The following P2RY6 variants were observed in gnomAD, a reference collection of about 807,000 sequenced individuals.
P2RY6 encodes the protein P2Y purinoceptor 6.
A neutral mutation model predicts 16.3 loss-of-function variants in P2RY6; 19 were observed. The observed-to-expected ratio is 1.16, with a 90% CI of 0.81 to 1.71. The LOEUF (loss-of-function observed/expected upper bound fraction) is 1.71, where lower values mean the gene tolerates loss of function less well. P2RY6 is among the 40% of genes most tolerant of loss of function. P2RY6 has a pLI of 0.00. For synonymous variants in P2RY6, 184 were observed against 201.5 expected (o/e 0.91, Z 0.74); for missense variants, 389 against 455.5 (o/e 0.85, Z 1.33).
At chr11:73,272,595 C>A in intron 1 of P2RY6, 129 bp downstream of exon 1, 1 of 753,356 alleles carries the variant, frequency 1.3e-6, no homozygotes, top group Non-Finnish European at 1.6e-6. Flanking sequence ...AGGGCAGGCA[C>A]TGGGGTCCTC....
At chr11:73,290,370 A>G (rs1030818623) in intron 1 of P2RY6, among the ~76,000 whole-genome samples, 88 of 149,238 alleles carry the variant, frequency 5.9e-4, no homozygotes, top group African/African-American at 2.0e-3. Flanking sequence ...AAAGAAGGAA[A>G]GAAAGAGAAA....
intron 1 of P2RY6, among the ~76,000 whole-genome samples, chr11:73,288,680 C>G (rs1591685714): frequency 6.6e-6 from 1 of 152,206 alleles, no homozygotes; most frequent in African/African-American, 2.4e-5. Context: ...TGCCCAGAGT[C>G]AGGATTGGGT....
chr11:73,295,524 C>T (rs777836985), intron 1 of P2RY6, among the ~76,000 whole-genome samples: 5 of 152,184 alleles, frequency 3.3e-5, no homozygotes, highest in Non-Finnish European at 5.9e-5. Context: ...AAGGAGCAGT[C>T]CCTGCCCCTC....
At chr11:73,292,491 A>C (rs1238706100) in intron 1 of P2RY6, among the ~76,000 whole-genome samples, 1 of 152,196 alleles carries the variant, frequency 6.6e-6, no homozygotes, top group Non-Finnish European at 1.5e-5. Flanking sequence ...GAGCTCTCTA[A>C]TCACTGCCCT....
chr11:73,274,836 C>T (rs1289708870), intron 1 of P2RY6, among the ~76,000 whole-genome samples: 1 of 152,224 alleles, frequency 6.6e-6, no homozygotes, highest in Non-Finnish European at 1.5e-5. Context: ...AACAGCCCAC[C>T]CTGCCCCCTC....
At chr11:73,293,849 G>C (rs981434171) in intron 1 of P2RY6, among the ~76,000 whole-genome samples, 1 of 152,118 alleles carries the variant, frequency 6.6e-6, no homozygotes, top group Admixed American at 6.5e-5. Context: ...CTGTCCCTGG[G>C]GGTGGGATCT....
Position 73,266,927 on chromosome 11 carries a change from T to C in P2RY6, c.-281+2278T>C, listed in dbSNP as rs528459219. On this transcript the variant is annotated intron_variant, in intron 1 of 3. Transcript: ENST00000349767. ...CCTGGCCCAGCCCTGACTTTCTGAG[T>C]GATAAGGCCAGCTGTCTTCTTAGCT... 4.6e-5 allele frequency among the ~76,000 whole-genome samples: 7 copies of C among 152,202 alleles called. No homozygotes were observed. In the East Asian group the frequency reaches 9.7e-4, roughly 21 times the overall value.
Position 73,297,460 on chromosome 11 carries a change from G to C in P2RY6, c.942G>C (p.Glu314Asp), listed in dbSNP as rs1266354949. 2 of 1,611,874 alleles carry C rather than the reference G, an allele frequency of 1.2e-6. No individual in the cohort carries two copies. The highest frequency in any genetic ancestry group is 2.7e-5 in the African/African-American group (2 of 74,906). The part of the protein sequence containing the change: ...TQKKFRRRPH[E>D]LLQKLTAKWQ... ...AGAAGTTCCGCCGGCGACCACATGA[G>C]CTCCTACAGAAACTCACAGCCAAAT... The change falls in exon 3 of 3, where the codon GAG becomes GAC. Residue 314 changes from glutamate to aspartate, a missense_variant. Coordinates refer to ENST00000540124, the MANE Select transcript of P2RY6 (RefSeq NM_001277204.2).
At chr11:73,276,380 G>A (rs866480334) in intron 1 of P2RY6, among the ~76,000 whole-genome samples, 2 of 152,136 alleles carry the variant, frequency 1.3e-5, no homozygotes, top group Admixed American at 6.6e-5. Flanking sequence ...AGGTGTATAC[G>A]CAAGGAAATT....
At chr11:73,280,914 CTT>C (rs1184025461) in intron 1 of P2RY6, among the ~76,000 whole-genome samples, 1 of 152,128 alleles carries the variant, frequency 6.6e-6, no homozygotes, top group Non-Finnish European at 1.5e-5. Context: ...TGAAGTCAGA[CTT>C]TTGCTGAGCC....
chr11:73,270,530 G>T (rs1346995690), upstream of P2RY6, among the ~76,000 whole-genome samples: 1 of 152,172 alleles, frequency 6.6e-6, no homozygotes, highest in African/African-American at 2.4e-5. Flanking sequence ...GCTCTGCCTT[G>T]CTGTGTGACC....
intron 1 of P2RY6, among the ~76,000 whole-genome samples, chr11:73,285,187 C>T (rs1345511913): frequency 6.6e-6 from 1 of 152,206 alleles, no homozygotes; most frequent in African/African-American, 2.4e-5. Flanking sequence ...TTTCCCACCT[C>T]AGCCTCCCAA....
At chr11:73,289,097 A>T (rs1864084256) in intron 1 of P2RY6, among the ~76,000 whole-genome samples, 2 of 152,106 alleles carry the variant, frequency 1.3e-5, no homozygotes, top group African/African-American at 2.4e-5. Flanking sequence ...GCCTCAGGGG[A>T]TTGGGGAGGC....
intron 1 of P2RY6, among the ~76,000 whole-genome samples, chr11:73,290,347 GAAA>G (rs1864180915): frequency 1.4e-5 from 2 of 141,788 alleles, no homozygotes; most frequent in African/African-American, 2.7e-5. Flanking sequence ...AAGAAAGAAA[GAAA>G]GAAAGAAAGA....
chr11:73,296,236 ATATAT>A (rs1565174440), intron 2 of P2RY6, among the ~76,000 whole-genome samples: 92 of 82,094 alleles, frequency 1.1e-3, no homozygotes, highest in African/African-American at 4.0e-3. Flanking sequence ...AAAAAAAAAT[ATATAT>A]ATATATATAT....
At chr11:73,296,289 C>A (rs1864478778) in intron 2 of P2RY6, among the ~76,000 whole-genome samples, 196 bp from the exon 3 acceptor site, 1 of 149,938 alleles carries the variant, frequency 6.7e-6, no homozygotes, top group South Asian at 2.1e-4. Context: ...AGATTGCTCC[C>A]AAGAGTTAGC....
At chr11:73,288,894 C>G (rs1266015951) in intron 1 of P2RY6, among the ~76,000 whole-genome samples, 1 of 152,232 alleles carries the variant, frequency 6.6e-6, no homozygotes, top group Non-Finnish European at 1.5e-5. Flanking sequence ...TGCTAACTCA[C>G]CGGCCAGGGG....
chr11:73,272,410 G>C lies in P2RY6; in HGVS notation c.-177G>C, dbSNP rs1446512538. ...ACTGGCAGCAGGGGCTGCTCCACGA[G>C]TGGGAATTTGCTCCAGCACTTCACG... On this transcript the variant is annotated 5_prime_UTR_variant, in exon 1 of 3. Coordinates refer to ENST00000540124, the MANE Select transcript of P2RY6 (RefSeq NM_001277204.2). 1.0e-6 allele frequency: 1 copy of C among 985,530 alleles called. No homozygotes were observed. Among genetic ancestry groups the C allele is most frequent in the Middle Eastern group, 5.2e-4 (1 of 1,914 alleles). 61.0% of individuals were successfully genotyped at this position (985,530 alleles called of 1,614,324 possible). A position where few individuals can be genotyped will look rare whatever the true frequency, so the allele number is the denominator to read the frequency against.
intron 1 of P2RY6, among the ~76,000 whole-genome samples, chr11:73,273,270 T>C (rs148408437): frequency 2.5e-3 from 385 of 152,108 alleles, no homozygotes; most frequent in Non-Finnish European, 2.6e-3. Context: ...CTCTTGAAGA[T>C]ATTTGGGACT....
Sources: allele counts gnomAD v4.1 joint callset (sites outside exome capture counted in the v4.1 genomes callset), GRCh38; gene constraint gnomAD v4.1.1; transcripts MANE v1.5; gene names NCBI Gene and HGNC (gene_info 2026-07-23, HGNC 2026-07-21).